Variants in SEMA5B observed in about 807,000 individuals in gnomAD.
The protein encoded by SEMA5B is semaphorin 5B, also known as semaphorin-5B.
Under a neutral mutation model 135.0 loss-of-function variants are expected in SEMA5B, and 66 were observed. That is an observed-to-expected ratio of 0.49 (90% CI 0.40 to 0.60). SEMA5B has a LOEUF of 0.60. SEMA5B is among the 20% of genes least tolerant of loss of function. SEMA5B has a pLI of 0.00. For missense variants in SEMA5B, 1,501 were observed against 1,566.3 expected (o/e 0.96, Z 0.70); for synonymous variants, 690 against 639.5 (o/e 1.08, Z -1.19).
intron 2 of SEMA5B, among the ~76,000 whole-genome samples, chr3:122,951,367 G>A (rs1035306669): frequency 1.3e-5 from 2 of 152,142 alleles, no homozygotes; most frequent in Non-Finnish European, 2.9e-5. Context: ...TGGGAATCAA[G>A]GCTTCTCAGT....
intron 3 of SEMA5B, among the ~76,000 whole-genome samples, chr3:122,944,501 G>A (rs922403970): frequency 6.6e-6 from 1 of 152,224 alleles, no homozygotes; most frequent in African/African-American, 2.4e-5. Flanking sequence ...GCACCTAGCA[G>A]TGTTTGAACG....
intron 2 of SEMA5B, among the ~76,000 whole-genome samples, chr3:122,950,531 T>C (rs1052066186): frequency 1.2e-4 from 18 of 152,254 alleles, no homozygotes; most frequent in African/African-American, 4.3e-4. Flanking sequence ...AGAGTCAGTG[T>C]TTAAAAATCT....
At chr3:122,949,448 A>T (rs1211297765) in intron 2 of SEMA5B, among the ~76,000 whole-genome samples, 1 of 152,266 alleles carries the variant, frequency 6.6e-6, no homozygotes. Flanking sequence ...TCTTGCTTCC[A>T]GCCTGCAAGT....
chr3:122,961,087 C>G lies in SEMA5B; in HGVS notation c.124+53G>C, dbSNP rs1315806318. Reference sequence around the variant, plus strand: ...GATGAGGGGGTCTTCTCCCTGCTCTCCCCTCAGTCTGGTACCTGCTGCAGC... The same window carrying G: ...GATGAGGGGGTCTTCTCCCTGCTCTGCCCTCAGTCTGGTACCTGCTGCAGC... On this transcript the variant is annotated intron_variant, in intron 2 of 22. Transcript: ENST00000357599. 7.9e-6 allele frequency: 12 copies of G among 1,526,636 alleles called. No individual in the cohort carries two copies. In the East Asian group the frequency reaches 2.8e-4, roughly 35 times the overall value. The allele number at this position is 1,526,636 out of a possible 1,614,324, so 94.6% of individuals were successfully genotyped here.
chr3:122,970,314 TCTCCAGCCTC>T (rs1274491592), intron 1 of SEMA5B, among the ~76,000 whole-genome samples: 1 of 152,308 alleles, frequency 6.6e-6, no homozygotes, highest in East Asian at 1.9e-4. Context: ...TGGATTGCAG[TCTCCAGCCTC>T]GTGGTTCTCA....
intron 1 of SEMA5B, among the ~76,000 whole-genome samples, chr3:122,974,207 G>A (rs1941231220): frequency 6.6e-6 from 1 of 152,196 alleles, no homozygotes; most frequent in Admixed American, 6.5e-5. Flanking sequence ...ACAAGGACCA[G>A]CACAAACCCA....
intron 12 of SEMA5B, among the ~76,000 whole-genome samples, chr3:122,917,919 C>T (rs1015614453): frequency 1.2e-4 from 18 of 151,930 alleles, no homozygotes; most frequent in African/African-American, 4.4e-4. Context: ...CACAAGTAGT[C>T]CCAGCAACCT....
chr3:122,977,210 G>A (rs1941359190), intron 1 of SEMA5B, among the ~76,000 whole-genome samples: 1 of 152,302 alleles, frequency 6.6e-6, no homozygotes, highest in African/African-American at 2.4e-5. Context: ...TACAAGGATT[G>A]AATGAGATCA....
chr3:122,935,999 C>T (rs572821149), intron 5 of SEMA5B, among the ~76,000 whole-genome samples: 13 of 152,238 alleles, frequency 8.5e-5, no homozygotes, highest in South Asian at 2.1e-4. Context: ...AGCCTCTATC[C>T]GCTTTCCATT....
chr3:122,974,857 A>C (rs961488595), intron 1 of SEMA5B, among the ~76,000 whole-genome samples: 8 of 152,192 alleles, frequency 5.3e-5, no homozygotes, highest in Non-Finnish European at 1.2e-4. Flanking sequence ...AGTTATAATA[A>C]GAATAACAGC....
chr3:122,914,835 T>C (rs1937977913), intron 14 of SEMA5B, among the ~76,000 whole-genome samples: 1 of 152,002 alleles, frequency 6.6e-6, no homozygotes, highest in Admixed American at 6.6e-5. Context: ...AATCAGGAGG[T>C]TGAGGCAGGA....
At chr3:122,953,782 T>G (rs1405019122) in intron 2 of SEMA5B, among the ~76,000 whole-genome samples, 1 of 152,232 alleles carries the variant, frequency 6.6e-6, no homozygotes, top group African/African-American at 2.4e-5. Flanking sequence ...GTTCTAGAAT[T>G]GGGAGGTGAC....
intron 2 of SEMA5B, among the ~76,000 whole-genome samples, chr3:122,949,518 T>C (rs905644446): frequency 2.6e-5 from 4 of 152,222 alleles, no homozygotes; most frequent in South Asian, 2.1e-4. Flanking sequence ...TAGTTTACAG[T>C]TTAACTTTGA....
At chr3:122,961,417 T>A (rs1381535420) in intron 1 of SEMA5B, 116 bp from the exon 2 acceptor site, 13 of 956,066 alleles carry the variant, frequency 1.4e-5, no homozygotes, top group Non-Finnish European at 2.0e-5. Context: ...TGTGTTTGTT[T>A]CTTGGTGCTG....
chr3:122,980,949 A>G (rs1480951935), intron 1 of SEMA5B, among the ~76,000 whole-genome samples: 1 of 152,248 alleles, frequency 6.6e-6, no homozygotes, highest in Non-Finnish European at 1.5e-5. Context: ...TTCACTTAGC[A>G]TAATGTCTTC....
intron 1 of SEMA5B, among the ~76,000 whole-genome samples, chr3:123,022,101 G>C (rs1560454992): frequency 6.6e-6 from 1 of 152,140 alleles, no homozygotes; most frequent in Non-Finnish European, 1.5e-5. Context: ...GGCCAGAAAG[G>C]GCTTTAAGAT....
At chr3:122,995,423 AGGGTGG>A (rs1942001576) in intron 1 of SEMA5B, among the ~76,000 whole-genome samples, 1 of 152,224 alleles carries the variant, frequency 6.6e-6, no homozygotes, top group Non-Finnish European at 1.5e-5. Context: ...CTGGGATGAC[AGGGTGG>A]CCACACCCTG....
chr3:122,938,635 G>A (rs571064019), intron 5 of SEMA5B, among the ~76,000 whole-genome samples: 5 of 152,238 alleles, frequency 3.3e-5, no homozygotes, highest in South Asian at 2.1e-4. Context: ...TTATAGTCTC[G>A]TGGCCCCCTA....
In SEMA5B at chr3:122,913,932, G is replaced by C; in HGVS notation, c.2058C>G (p.Val686=). ...CAGGGTTGCTGCAACTTCGCTGGCG[G>C]ACCTGGAAGCCGATGCCACAGGACG... is the stretch of plus-strand genomic sequence containing the variant. ...CSTSCGIGFQ[V]RQRSCSNPAP... is the part of the protein sequence containing the mutation. The change falls in exon 15 of 23, where the codon GTC becomes GTG. Residue 686 remains valine, a synonymous_variant. Coordinates refer to ENST00000357599, the MANE Select transcript of SEMA5B (RefSeq NM_001031702.4). The C allele has an allele frequency of 6.2e-7, 1 of 1,612,574 alleles. No individual in the cohort carries two copies. The highest frequency in any genetic ancestry group is 8.5e-7 in the Non-Finnish European group (1 of 1,179,942).
Sources: gnomAD v4.1 joint callset for allele counts (sites outside exome capture counted in the v4.1 genomes callset) on GRCh38, gnomAD v4.1.1 for gene constraint, MANE v1.5 for transcripts, NCBI Gene and HGNC (gene_info 2026-07-23, HGNC 2026-07-21) for gene names.